Variants in HMGXB3 observed in about 807,000 individuals in gnomAD.
HMGXB3 encodes HMG domain-containing protein 3.
In HMGXB3, 45 loss-of-function variants were observed where a neutral mutation model predicts 121.5. The ratio of observed to expected loss-of-function variants is 0.37; its 90% CI spans 0.29 to 0.47. The LOEUF is 0.47. Among genes scored for constraint, HMGXB3 ranks in the 20% least tolerant of loss-of-function variants. HMGXB3 has a pLI of 0.99. For missense variants in HMGXB3, 1,376 were observed against 1,602.2 expected, an observed-to-expected ratio of 0.86 and a Z score of 2.41; for synonymous variants, 590 against 624.1, an observed-to-expected ratio of 0.95 and a Z score of 0.81.
Position 150,040,812 on chromosome 5 carries a change from G to A in HMGXB3, c.2478G>A (p.Gln826=), listed in dbSNP as rs1313477492. 2 of 1,552,016 alleles carry A rather than the reference G, an allele frequency of 1.3e-6. No homozygotes were observed. Among genetic ancestry groups the A allele is most frequent in the South Asian group, 2.4e-5 (2 of 84,044 alleles). The change falls in exon 14 of 20, where the codon CAG becomes CAA. Residue 826 remains glutamine, a synonymous_variant. Transcript: ENST00000502717. ...ACTTGCTTTTTGCAATCAGAAATCA[G>A]ATCAAGCTCGGAGAGGACCCCAGAG... is the stretch of plus-strand genomic sequence containing the variant. ...SLDLLFAIRN[Q]IKLGEDPRVS...
intron 11 of HMGXB3, among the ~76,000 whole-genome samples, chr5:150,033,666 C>T (rs181949477): frequency 6.6e-6 from 1 of 152,194 alleles, no homozygotes; most frequent in African/African-American, 2.4e-5. Context: ...TGGGGTCCTA[C>T]TGAATGTCCT....
intron 4 of HMGXB3, among the ~76,000 whole-genome samples, chr5:150,011,297 G>A (rs1755830980): frequency 6.6e-6 from 1 of 152,216 alleles, no homozygotes; most frequent in Admixed American, 6.5e-5. Flanking sequence ...GGGGAAAACA[G>A]CACTTTTAGT....
intron 6 of HMGXB3, among the ~76,000 whole-genome samples, chr5:150,019,667 T>G (rs1756043216): frequency 6.6e-6 from 1 of 152,204 alleles, no homozygotes; most frequent in African/African-American, 2.4e-5. Flanking sequence ...AGTTGAAGAT[T>G]CAACAGAATT....
intron 5 of HMGXB3, among the ~76,000 whole-genome samples, chr5:150,015,668 T>C (rs754716556): frequency 6.6e-5 from 10 of 152,246 alleles, no homozygotes; most frequent in Non-Finnish European, 1.3e-4. Flanking sequence ...CCACAAATTC[T>C]GATATGGTGT....
At chr5:150,032,351 C>G (rs1277749874) in intron 10 of HMGXB3, 103 bp from the exon 11 acceptor site, 1 of 1,075,290 alleles carries the variant, frequency 9.3e-7, no homozygotes, top group African/African-American at 1.6e-5. Flanking sequence ...TTGCAGTTGC[C>G]ACTCTCTTCT....
chr5:150,045,062 C>T (rs1017403995), intron 15 of HMGXB3, among the ~76,000 whole-genome samples: 1 of 152,154 alleles, frequency 6.6e-6, no homozygotes, highest in Non-Finnish European at 1.5e-5. Flanking sequence ...CCTGTGTTGA[C>T]GTGATTGTTC....
At chr5:150,039,483 T>G (rs1365841541) in intron 13 of HMGXB3, among the ~76,000 whole-genome samples, 1 of 152,164 alleles carries the variant, frequency 6.6e-6, no homozygotes, top group Non-Finnish European at 1.5e-5. Context: ...TATAATTTTT[T>G]TAAGTTTATC....
In HMGXB3 at chr5:150,048,589, G is replaced by T; in HGVS notation, c.3105G>T (p.Leu1035Phe). The T allele has an allele frequency of 5.2e-6, 8 of 1,551,920 alleles. No individual in the cohort carries two copies. Among genetic ancestry groups the T allele is most frequent in the Non-Finnish European group, 7.0e-6 (8 of 1,146,930 alleles). ...EDSKDQLCFSLLALYESVQNG... is the reference protein window; with the variant it reads ...EDSKDQLCFSFLALYESVQNG... ...TCCAGGACCAGCTCTGCTTCTCCTT[G>T]TTGGCCCTCTACGAATCTGTACAGA... The change falls in exon 18 of 20, where the codon TTG becomes TTT. Residue 1035 changes from leucine to phenylalanine, a missense_variant. Leu to Phe is a conservative substitution (Grantham distance 22, BLOSUM62 0). Transcript: ENST00000502717.
At chr5:150,045,364 C>T (rs1223619650) in intron 15 of HMGXB3, 102 bp from the exon 16 acceptor site, 1 of 998,606 alleles carries the variant, frequency 1.0e-6, no homozygotes, top group Non-Finnish European at 1.5e-6. Flanking sequence ...CTTCCCTTCA[C>T]CAAGCCTTGG....
In HMGXB3 at chr5:150,004,878, A is replaced by T. The variant is rs1293018459; in HGVS notation, c.26A>T (p.Glu9Val). 1 of 1,551,370 alleles carries T rather than the reference A, an allele frequency of 6.4e-7. No homozygotes were observed. Among genetic ancestry groups the T allele is most frequent in the Non-Finnish European group, 8.7e-7 (1 of 1,146,814 alleles). MDASYDGT[E>V]VTVVMEEIEE... ...ATGGACGCATCATATGATGGTACTG[A>T]GGTAACTGTCGTGATGGAGGAAATT... Residue 9 changes from glutamate to valine, a missense_variant, in exon 2 of 20, where the codon GAG becomes GTG. Glu to Val is a moderately radical substitution (Grantham distance 121). This residue lies in a region of HMGXB3 where 1,116 missense variants were observed against 1,369.0 expected (regional missense o/e 0.82). Transcript: ENST00000502717.
chr5:150,046,798 C>G (rs1015888614), intron 16 of HMGXB3, among the ~76,000 whole-genome samples: 1 of 151,658 alleles, frequency 6.6e-6, no homozygotes, highest in Non-Finnish European at 1.5e-5. Flanking sequence ...GGCGACAGAG[C>G]GAGACTCCGT....
At chr5:150,007,876 G>A (rs553231925) in intron 3 of HMGXB3, among the ~76,000 whole-genome samples, 31 of 152,108 alleles carry the variant, frequency 2.0e-4, no homozygotes, top group Non-Finnish European at 3.7e-4. Context: ...GCAAGTTGGC[G>A]AAACTCTATC....
chr5:150,037,449 C>T lies in HMGXB3; in HGVS notation c.2335C>T (p.Gln779Ter). Residue 779 changes from glutamine (Q) to a stop codon, truncating the protein, a stop_gained, in exon 13 of 20, where the codon CAG (glutamine) becomes TAG (stop). Transcript: ENST00000502717. LOFTEE classifies it high-confidence loss of function. Reference protein sequence around the residue: ...ECWLLTASRLQTVTAQVKMCL... With the variant: ...ECWLLTASRL ...CTGGCTGCTGACAGCCAGCCGTCTG[C>T]AGACAGTGACTGCCCAGGTGAAGAT... 1 of 1,551,310 alleles carries T rather than the reference C, an allele frequency of 6.4e-7. No homozygotes were observed. The highest frequency in any genetic ancestry group is 8.7e-7 in the Non-Finnish European group (1 of 1,146,754).
intron 15 of HMGXB3, among the ~76,000 whole-genome samples, chr5:150,043,827 C>A (rs1448597707): frequency 6.6e-6 from 1 of 152,230 alleles, no homozygotes; most frequent in Admixed American, 6.5e-5. Context: ...AAGGGTGGGG[C>A]TGAGATTGAC....
intron 6 of HMGXB3, among the ~76,000 whole-genome samples, chr5:150,019,635 C>G (rs1444560739): frequency 6.6e-6 from 1 of 151,992 alleles, no homozygotes; most frequent in Non-Finnish European, 1.5e-5. Flanking sequence ...GACAGACAGG[C>G]AAGGTATTAT....
rs1756015263 is a variant in HMGXB3 at position 150,018,707 on chromosome 5, A to G, written c.1041+10A>G. 3 of 1,546,292 alleles carry G rather than the reference A, an allele frequency of 1.9e-6. No homozygotes were observed. Among genetic ancestry groups the G allele is most frequent in the South Asian group, 1.2e-5 (1 of 82,800 alleles). On this transcript the variant is annotated intron_variant, in intron 6 of 19. Transcript: ENST00000502717. ...GAAGTGGATCCCAAAGGTAAGGTCC[A>G]TTGGCTGTTGCTGCTTTGGAAGCCT...
In HMGXB3 at chr5:150,052,872, CCAATATCCT is replaced by C. The variant is rs1480774421; in HGVS notation, c.*682_*690del. On this transcript the variant is annotated 3_prime_UTR_variant, in exon 20 of 20. Coordinates refer to ENST00000502717, the MANE Select transcript of HMGXB3 (RefSeq NM_014983.3). ...CTTTCCCTGGCCACTGCTGCTGCAG[CCAATATCCT>C]CTCTGGGCCTGGGACCCTCTCCACA... 1 of 152,518 alleles carries C rather than the reference CCAATATCCT, an allele frequency of 6.6e-6. No individual in the cohort carries two copies. Among genetic ancestry groups the C allele is most frequent in the Non-Finnish European group, 1.5e-5 (1 of 68,346 alleles). 9.4% of individuals were successfully genotyped at this position (152,518 alleles called of 1,614,324 possible).
intron 10 of HMGXB3, among the ~76,000 whole-genome samples, chr5:150,031,080 G>C (rs1756364807): frequency 6.6e-6 from 1 of 152,206 alleles, no homozygotes; most frequent in African/African-American, 2.4e-5. Flanking sequence ...GCTGAGATTA[G>C]TGTATTTTTA....
chr5:150,024,714 G>A (rs2113741710), intron 7 of HMGXB3, 34 bp downstream of exon 7: 1 of 1,452,334 alleles, frequency 6.9e-7, no homozygotes, highest in South Asian at 1.4e-5. Context: ...ATAGGGCTTT[G>A]GAAATGCCCC....
Sources: gnomAD v4.1 joint callset for allele counts (sites outside exome capture counted in the v4.1 genomes callset) on GRCh38, gnomAD v4.1.1 for gene constraint, gnomAD v4.1.1 regional missense constraint, MANE v1.5 for transcripts, NCBI Gene and HGNC (gene_info 2026-07-23, HGNC 2026-07-21) for gene names.